The following RIIAD1 variants were observed in gnomAD, a reference collection of about 807,000 sequenced individuals.
The protein encoded by RIIAD1 is RIIa domain-containing protein 1.
RIIAD1 carries 15 observed loss-of-function variants against 13.3 expected under a neutral mutation model. That is an observed-to-expected ratio of 1.13 (90% CI 0.76 to 1.74). The LOEUF is 1.74. Ranked by LOEUF, RIIAD1 falls within the 40% of genes most tolerant of loss-of-function variation. RIIAD1 has a pLI of 0.00. For synonymous variants in RIIAD1, 50 were observed against 43.3 expected (o/e 1.16, Z -0.61); for missense variants, 121 against 112.2 (o/e 1.08, Z -0.35).
At chr1:151,718,999 G>T (rs906504797), upstream of RIIAD1, among the ~76,000 whole-genome samples, 1 of 152,066 alleles carries the variant, frequency 6.6e-6, no homozygotes, top group Non-Finnish European at 1.5e-5. Flanking sequence ...CAGGCTTGGG[G>T]CTAATCATAT....
At chr1:151,715,972 G>A in intron 4 of RIIAD1, 1 of 1,614,156 alleles carries the variant, frequency 6.2e-7, no homozygotes, top group African/African-American at 1.3e-5. Flanking sequence ...TCCTCCAGAT[G>A]CCTCGGGATC....
At chr1:151,722,887 T>A (rs1225940949) in intron 2 of RIIAD1, among the ~76,000 whole-genome samples, 1 of 152,190 alleles carries the variant, frequency 6.6e-6, no homozygotes, top group Non-Finnish European at 1.5e-5. Flanking sequence ...CTTTTGCTGA[T>A]CCTCCCAGCA....
At chr1:151,714,379 G>C in intron 3 of RIIAD1, 1 of 628,602 alleles carries the variant, frequency 1.6e-6, no homozygotes, top group Non-Finnish European at 2.9e-6. Flanking sequence ...CCTGGTAAAA[G>C]TCATGTTTAC....
At chr1:151,712,470 T>C (rs1673106501) in intron 2 of RIIAD1, among the ~76,000 whole-genome samples, 1 of 152,186 alleles carries the variant, frequency 6.6e-6, no homozygotes, top group Non-Finnish European at 1.5e-5. Context: ...GGGGCCAGAA[T>C]CCACCTTCCT....
chr1:151,717,449 T>A (rs1173552851), upstream of RIIAD1, among the ~76,000 whole-genome samples: 1 of 152,244 alleles, frequency 6.6e-6, no homozygotes, highest in African/African-American at 2.4e-5. Flanking sequence ...CTTCTCTCCC[T>A]CTGGGGGGTT....
At position 151,716,110 on chromosome 1, in the gene RIIAD1, C is replaced by T. The variant is rs558278736; in HGVS notation, c.21+1581C>T. On this transcript the variant is annotated intron_variant, in intron 4 of 8. Transcript: ENST00000326413. ...CCAGCAAGGAGATAAGTGGTGGGGC[C>T]CGGGGGCCCAGCTGGGGCTGGCTTT... 14 of 1,387,614 alleles carry T rather than the reference C, an allele frequency of 1.0e-5. No homozygotes were observed. In the South Asian group the frequency reaches 2.0e-4, roughly 20 times the overall value. 86.0% of individuals were successfully genotyped at this position (1,387,614 alleles called of 1,614,324 possible).
chr1:151,718,868 G>A (rs1673677602), upstream of RIIAD1, among the ~76,000 whole-genome samples: 1 of 152,086 alleles, frequency 6.6e-6, no homozygotes, highest in Admixed American at 6.5e-5. Context: ...TCTGATCTTG[G>A]TATTTATGGA....
Position 151,716,055 on chromosome 1 carries a change from G to A in RIIAD1, c.21+1526G>A, listed in dbSNP as rs1251382501. 7.0e-6 allele frequency: 11 copies of A among 1,580,866 alleles called. No homozygotes were observed. In the East Asian group the frequency reaches 2.5e-4, roughly 36 times the overall value. The stretch of plus-strand genomic sequence containing the variant: ...CCAGGAGGAGGGGCCGAGGGGAGCA[G>A]GGAGAGGCCCAAAGGCCAAGGGGAG... On this transcript the variant is annotated intron_variant, in intron 4 of 8. Coordinates refer to the RIIAD1 transcript ENST00000326413.
chr1:151,722,051 C>G, intron 1 of RIIAD1, 35 bp from the exon 2 acceptor site: 1 of 1,444,570 alleles, frequency 6.9e-7, no homozygotes, highest in Non-Finnish European at 9.5e-7. Flanking sequence ...GAATCTGTCT[C>G]CTAATGGAAG....
intron 2 of RIIAD1, among the ~76,000 whole-genome samples, chr1:151,722,605 T>C (rs753189699): frequency 2.6e-5 from 4 of 152,140 alleles, no homozygotes; most frequent in East Asian, 3.8e-4. Flanking sequence ...CCTAATGGGA[T>C]GAAGAAGGAG....
chr1:151,716,141 TG>T (rs1673463454), intron 4 of RIIAD1: 4 of 1,057,822 alleles, frequency 3.8e-6, no homozygotes, highest in Admixed American at 2.9e-5. Context: ...GCTTTCCCTT[TG>T]GCCCCCAACC....
At chr1:151,717,461 G>A (rs988191462), upstream of RIIAD1, among the ~76,000 whole-genome samples, 5 of 152,260 alleles carry the variant, frequency 3.3e-5, no homozygotes, top group African/African-American at 1.2e-4. Flanking sequence ...TGGGGGGTTT[G>A]TGTGTATAAG....
chr1:151,718,274 C>A (rs1387102987), upstream of RIIAD1, among the ~76,000 whole-genome samples: 1 of 152,108 alleles, frequency 6.6e-6, no homozygotes, highest in Non-Finnish European at 1.5e-5. Context: ...CCCTCACCAC[C>A]CCCCTATGAT....
At chr1:151,716,820 C>G (rs553879751), upstream of RIIAD1, 35 of 467,060 alleles carry the variant, frequency 7.5e-5, no homozygotes, top group Non-Finnish European at 1.2e-4. Flanking sequence ...CTCCACACCC[C>G]CCTCCCCACT....
upstream of RIIAD1, among the ~76,000 whole-genome samples, chr1:151,719,346 A>G (rs1438164348): frequency 6.6e-6 from 1 of 152,142 alleles, no homozygotes; most frequent in East Asian, 1.9e-4. Context: ...AGAGGCTTCC[A>G]GGATACTTTC....
At chr1:151,726,431 A>G (rs545741156) in intron 2 of RIIAD1, among the ~76,000 whole-genome samples, 4 of 152,322 alleles carry the variant, frequency 2.6e-5, no homozygotes, top group African/African-American at 9.6e-5. Context: ...GTGCCCAATA[A>G]TTATCAAAAT....
upstream of RIIAD1, among the ~76,000 whole-genome samples, chr1:151,717,363 T>C (rs764827428): frequency 6.6e-6 from 1 of 152,198 alleles, no homozygotes. Flanking sequence ...ATGAGAAGAA[T>C]GCAGAAAGAG....
upstream of RIIAD1, among the ~76,000 whole-genome samples, chr1:151,719,080 A>G (rs1171744645): frequency 1.3e-5 from 2 of 152,186 alleles, no homozygotes; most frequent in Non-Finnish European, 2.9e-5. Flanking sequence ...CCAGTCAGTA[A>G]TTGGGGAGAC....
intron 2 of RIIAD1, among the ~76,000 whole-genome samples, chr1:151,712,226 G>C (rs1673085061): frequency 6.6e-6 from 1 of 152,090 alleles, no homozygotes; most frequent in Non-Finnish European, 1.5e-5. Flanking sequence ...GCCCTCCCTC[G>C]GGCCTCCCAA....
Sources: allele counts gnomAD v4.1 joint callset (sites outside exome capture counted in the v4.1 genomes callset), GRCh38; gene constraint gnomAD v4.1.1; transcripts MANE v1.5; gene names NCBI Gene and HGNC (gene_info 2026-07-23, HGNC 2026-07-21).